Variants in NAF1 observed in about 807,000 individuals in gnomAD.
NAF1 encodes nuclear assembly factor 1 ribonucleoprotein.
NAF1 carries 11 observed loss-of-function variants against 40.6 expected under a neutral mutation model. That is an observed-to-expected ratio of 0.27 (90% CI 0.17 to 0.45). The LOEUF (loss-of-function observed/expected upper bound fraction) is 0.45, where lower values mean the gene tolerates loss of function less well. Ranked by LOEUF, NAF1 falls within the 20% of genes least tolerant of loss-of-function variation. NAF1 has a pLI of 1.00. For missense variants in NAF1, 607 were observed against 611.1 expected, an observed-to-expected ratio of 0.99 and a Z score of 0.07; for synonymous variants, 260 against 228.5, an observed-to-expected ratio of 1.14 and a Z score of -1.24.
At chr4:163,153,015 G>A (rs1731787308) in intron 2 of NAF1, among the ~76,000 whole-genome samples, 1 of 152,184 alleles carries the variant, frequency 6.6e-6, no homozygotes, top group African/African-American at 2.4e-5. Context: ...GGGTGAACTG[G>A]GTCCCCCAGC....
intron 2 of NAF1, among the ~76,000 whole-genome samples, chr4:163,163,326 T>A (rs146713497): frequency 4.6e-5 from 7 of 152,288 alleles, no homozygotes; most frequent in Admixed American, 3.3e-4. Context: ...TAATTCAGAC[T>A]GGCAGAATCC....
At chr4:163,119,076 T>C (rs1210809211) in intron 2 of NAF1, among the ~76,000 whole-genome samples, 1 of 152,268 alleles carries the variant, frequency 6.6e-6, no homozygotes, top group African/African-American at 2.4e-5. Context: ...ATTAGGCCTA[T>C]GAGAATGGTC....
chr4:163,165,845 C>T (rs1033568239), intron 1 of NAF1, among the ~76,000 whole-genome samples: 1 of 152,172 alleles, frequency 6.6e-6, no homozygotes, highest in Non-Finnish European at 1.5e-5. Context: ...TGTTTGGCTA[C>T]TTTCATAAAC....
At chr4:163,114,746 A>G (rs1460341189) in intron 2 of NAF1, among the ~76,000 whole-genome samples, 2 of 152,072 alleles carry the variant, frequency 1.3e-5, no homozygotes, top group African/African-American at 2.4e-5. Flanking sequence ...AATGGGTGAC[A>G]TTGTCTCTTA....
In NAF1 at chr4:163,129,022, G is replaced by A. The variant is rs760686970; in HGVS notation, c.1360C>T (p.Pro454Ser). Residue 454 changes from proline (P) to serine (S), a missense_variant, in exon 8 of 8, where the codon CCA (proline) becomes TCA (serine). By Grantham distance (74) the Pro-to-Ser change is moderately conservative. Transcript: ENST00000274054. ...PPPVNMGWAT[P>S]NMAAHPLLNL... ...AGTAATGGATGAGCAGCCATGTTTG[G>A]TGTAGCCCAACCCATGTTTACAGGT... 9 of 1,486,322 alleles carry A rather than the reference G, an allele frequency of 6.1e-6. No homozygotes were observed. In the African/African-American group the frequency reaches 8.8e-5, roughly 15 times the overall value. The allele number at this position is 1,486,322 out of a possible 1,614,324, so 92.1% of individuals were successfully genotyped here. A position where few individuals can be genotyped will look rare whatever the true frequency, so the allele number is the denominator to read the frequency against.
At chr4:163,134,320 T>G (rs1341932045) in intron 6 of NAF1, among the ~76,000 whole-genome samples, 1 of 152,244 alleles carries the variant, frequency 6.6e-6, no homozygotes, top group East Asian at 1.9e-4. Context: ...TCTTTGTATG[T>G]AATTTTCAGT....
At chr4:163,111,581 T>A (rs1730161246) in intron 2 of NAF1, among the ~76,000 whole-genome samples, 1 of 152,110 alleles carries the variant, frequency 6.6e-6, no homozygotes, top group South Asian at 2.1e-4. Context: ...TAAATAAAGA[T>A]GTCAGGGAGT....
At chr4:163,153,224 G>C (rs1306980465) in intron 2 of NAF1, among the ~76,000 whole-genome samples, 1 of 152,196 alleles carries the variant, frequency 6.6e-6, no homozygotes, top group Non-Finnish European at 1.5e-5. Context: ...AAGGGCTGAG[G>C]AGTACGAGCG....
intron 2 of NAF1, among the ~76,000 whole-genome samples, chr4:163,153,595 T>G (rs4522824): frequency 0.36 from 55,278 of 151,718 alleles, 11,178 homozygotes; most frequent in East Asian, 0.62. Flanking sequence ...TGTATCTAGC[T>G]GCTCTGGTGG....
At chr4:163,133,891 C>A (rs1246585132) in intron 6 of NAF1, among the ~76,000 whole-genome samples, 1 of 152,110 alleles carries the variant, frequency 6.6e-6, no homozygotes, top group East Asian at 1.9e-4. Flanking sequence ...GATTCTCCTG[C>A]CTTAGCCTCC....
chr4:163,158,235 TAGGTGAG>T (rs1732071604), intron 2 of NAF1: 1 of 152,122 alleles, frequency 6.6e-6, no homozygotes, highest in African/African-American at 2.4e-5. Context: ...CTGATGCTAT[TAGGTGAG>T]CCTTCACTTT....
downstream of NAF1, among the ~76,000 whole-genome samples, chr4:163,123,569 A>G (rs1445072747): frequency 6.6e-6 from 1 of 152,068 alleles, no homozygotes; most frequent in Non-Finnish European, 1.5e-5. Context: ...TTTTGTAGAC[A>G]AGGTTTCACC....
At chr4:163,133,094 ATAAACT>A (rs1730930079) in intron 7 of NAF1, 54 bp downstream of exon 7, 3 of 1,370,982 alleles carry the variant, frequency 2.2e-6, no homozygotes, top group Admixed American at 1.8e-5. Flanking sequence ...TTTATTATTG[ATAAACT>A]TATATAGATG....
At chr4:163,121,979 G>A (rs578249514), downstream of NAF1, among the ~76,000 whole-genome samples, 1 of 152,294 alleles carries the variant, frequency 6.6e-6, no homozygotes, top group South Asian at 2.1e-4. Context: ...GGCAAGTTGT[G>A]TAAAAGAACT....
downstream of NAF1, among the ~76,000 whole-genome samples, chr4:163,106,594 T>TC (rs112593075): frequency 0.81 from 122,723 of 151,992 alleles, 49,585 homozygotes; most frequent in South Asian, 0.85. Context: ...GTCATTTTTT[T>TC]ATTTCTGTAT....
chr4:163,164,515 A>G, intron 1 of NAF1, 124 bp from the exon 2 acceptor site: 1 of 708,340 alleles, frequency 1.4e-6, no homozygotes, highest in Non-Finnish European at 2.1e-6. Context: ...TAATATTAAA[A>G]TAAGATTATG....
At chr4:163,145,662 G>A (rs536848430) in intron 4 of NAF1, 120 bp downstream of exon 4, 8 of 649,428 alleles carry the variant, frequency 1.2e-5, no homozygotes, top group Admixed American at 1.0e-4. Flanking sequence ...ACTGAAATTA[G>A]AGAGCTCTAG....
chr4:163,127,064 G>C, downstream of NAF1: 2 of 1,551,644 alleles, frequency 1.3e-6, no homozygotes, highest in Middle Eastern at 1.7e-4. Context: ...TGACTCACTT[G>C]ACTGCAATGG....
downstream of NAF1, among the ~76,000 whole-genome samples, chr4:163,122,553 A>G (rs550165976): frequency 6.2e-4 from 95 of 152,354 alleles, no homozygotes; most frequent in African/African-American, 2.1e-3. Flanking sequence ...AGAAACTGAT[A>G]CATTTTGGAA....
Sources: gnomAD v4.1 joint callset for allele counts (sites outside exome capture counted in the v4.1 genomes callset) on GRCh38, gnomAD v4.1.1 for gene constraint, MANE v1.5 for transcripts, NCBI Gene and HGNC (gene_info 2026-07-23, HGNC 2026-07-21) for gene names.